CNTNAP2: variants seen among roughly 807,000 people sequenced by gnomAD.
CNTNAP2 encodes contactin associated protein 2.
CNTNAP2 carries 98 observed loss-of-function variants against 155.2 expected under a neutral mutation model. That is an observed-to-expected ratio of 0.63 (90% CI 0.54 to 0.75). The LOEUF (loss-of-function observed/expected upper bound fraction) is 0.75. CNTNAP2 is among the 30% of genes least tolerant of loss of function. The pLI is 0.00. For missense variants in CNTNAP2, 1,727 were observed against 1,688.1 expected, an observed-to-expected ratio of 1.02 and a Z score of -0.40; for synonymous variants, 651 against 631.2, an observed-to-expected ratio of 1.03 and a Z score of -0.47.
intron 8 of CNTNAP2, among the ~76,000 whole-genome samples, chr7:147,295,288 C>T (rs374281086): frequency 3.5e-4 from 53 of 151,528 alleles, no homozygotes; most frequent in African/African-American, 1.2e-3. Context: ...TGTGTGTGCA[C>T]GTGTTGTGTG....
At chr7:147,298,881 G>A (rs1218871761) in intron 8 of CNTNAP2, among the ~76,000 whole-genome samples, 1 of 152,118 alleles carries the variant, frequency 6.6e-6, no homozygotes, top group African/African-American at 2.4e-5. Flanking sequence ...TAGCTCACAG[G>A]TTATAGAAAA....
rs117046256 is a variant in CNTNAP2, at chr7:147,976,720, T to C, written c.2256-1142T>C. The stretch of plus-strand genomic sequence containing the variant: ...GTACAAGTAACTGCTCCACACTGCA[T>C]AGCATTTTCAAGACAGGCCTCCAAG... On this transcript the variant is annotated intron_variant, in intron 14 of 23. Transcript: ENST00000361727. Among the ~76,000 whole-genome samples the C allele has an allele frequency of 1.4e-3, 217 of 152,246 alleles. 1 individual carries two copies. Among genetic ancestry groups the C allele is most frequent in the Non-Finnish European group, 2.4e-3 (166 of 68,012 alleles).
intron 15 of CNTNAP2, among the ~76,000 whole-genome samples, chr7:148,056,219 A>C (rs978074889): frequency 3.3e-5 from 5 of 151,960 alleles, no homozygotes; most frequent in African/African-American, 1.2e-4. Flanking sequence ...CTGCCCTTCC[A>C]TTTGCTGTGG....
chr7:147,263,718 C>T (rs941908497), intron 8 of CNTNAP2, among the ~76,000 whole-genome samples: 4 of 152,116 alleles, frequency 2.6e-5, no homozygotes, highest in Non-Finnish European at 5.9e-5. Context: ...GTCACGTGGT[C>T]CTATAGTATA....
intron 9 of CNTNAP2, among the ~76,000 whole-genome samples, chr7:147,320,658 C>T (rs972065673): frequency 6.6e-6 from 1 of 152,130 alleles, no homozygotes; most frequent in African/African-American, 2.4e-5. Flanking sequence ...AAATACACTC[C>T]TCTTATGAAA....
chr7:148,061,936 G>GAT (rs1441100855), intron 15 of CNTNAP2, among the ~76,000 whole-genome samples: 4 of 142,286 alleles, frequency 2.8e-5, no homozygotes, highest in African/African-American at 1.1e-4. Flanking sequence ...TAGATAGATA[G>GAT]ATAGATAGAT....
intron 9 of CNTNAP2, among the ~76,000 whole-genome samples, chr7:147,361,257 A>G (rs1796143680): frequency 6.6e-6 from 1 of 152,196 alleles, no homozygotes; most frequent in Non-Finnish European, 1.5e-5. Context: ...CCTATTCTGA[A>G]AAGTACCTTA....
intron 22 of CNTNAP2, among the ~76,000 whole-genome samples, chr7:148,403,431 T>C (rs944441241): frequency 4.6e-5 from 7 of 152,128 alleles, no homozygotes; most frequent in Non-Finnish European, 8.8e-5. Flanking sequence ...AAGAGAAGTA[T>C]GTTGAATAGA....
At chr7:146,771,530 C>A (rs1279060613) in intron 1 of CNTNAP2, among the ~76,000 whole-genome samples, 1 of 152,116 alleles carries the variant, frequency 6.6e-6, no homozygotes, top group African/African-American at 2.4e-5. Flanking sequence ...TAGATGATAG[C>A]TTTGTGAATT....
At chr7:147,916,471 T>C (rs1454138356) in intron 14 of CNTNAP2, among the ~76,000 whole-genome samples, 1 of 152,160 alleles carries the variant, frequency 6.6e-6, no homozygotes, top group African/African-American at 2.4e-5. Flanking sequence ...GTTCAGAGTG[T>C]GCTGTGGGTA....
chr7:146,966,127 G>A (rs1339951740), intron 3 of CNTNAP2, among the ~76,000 whole-genome samples: 1 of 152,206 alleles, frequency 6.6e-6, no homozygotes, highest in African/African-American at 2.4e-5. Flanking sequence ...AATTATTTGG[G>A]ATTGTCATTG....
intron 1 of CNTNAP2, among the ~76,000 whole-genome samples, chr7:146,157,817 A>G (rs1798151929): frequency 6.6e-6 from 1 of 152,222 alleles, no homozygotes; most frequent in African/African-American, 2.4e-5. Context: ...GGCAGGGCAT[A>G]GTTGAACAAA....
Position 148,355,166 on chromosome 7 carries a change from CTTTTTTTTT to C in CNTNAP2, c.3476-28458_3476-28450del, listed in dbSNP as rs1167992306. Among the ~76,000 whole-genome samples the C allele has an allele frequency of 6.8e-4, 28 of 41,026 alleles. No individual in the cohort carries two copies. In the East Asian group the frequency reaches 0.02, roughly 30 times the overall value. The allele number at this position is 41,026 out of a possible 152,430, so 26.9% of individuals were successfully genotyped here. On this transcript the variant is annotated intron_variant, in intron 21 of 23. Transcript: ENST00000361727. ...CACTTCATGCATCAGCCGCCAGCTG[CTTTTTTTTT>C]TTTTTTTTTTTTTTTTTTTTTTTTG...
intron 15 of CNTNAP2, among the ~76,000 whole-genome samples, chr7:148,062,026 AGAGTGTGTGTGTGTGT>A (rs1803165539): frequency 7.6e-6 from 1 of 131,962 alleles, no homozygotes; most frequent in African/African-American, 2.9e-5. Context: ...AGAGAGAGAG[AGAGTGTGTGTGTGTGT>A]GTGTGTGTGT....
At chr7:148,411,418 A>G (rs1278255280) in intron 23 of CNTNAP2, among the ~76,000 whole-genome samples, 1 of 152,048 alleles carries the variant, frequency 6.6e-6, no homozygotes, top group East Asian at 1.9e-4. Flanking sequence ...GGCACGCATC[A>G]CCATGCCTGG....
At chr7:147,806,353 G>A (rs909477490) in intron 13 of CNTNAP2, among the ~76,000 whole-genome samples, 4 of 152,210 alleles carry the variant, frequency 2.6e-5, no homozygotes, top group African/African-American at 9.6e-5. Flanking sequence ...AGATGGTAGT[G>A]AGGATGCAGA....
At chr7:147,899,820 G>C (rs370147535) in intron 13 of CNTNAP2, among the ~76,000 whole-genome samples, 79 of 151,988 alleles carry the variant, frequency 5.2e-4, no homozygotes, top group African/African-American at 1.8e-3. Context: ...GGGAGGCAGC[G>C]GTTACAGTGA....
chr7:148,173,554 G>A (rs889897561), intron 18 of CNTNAP2, among the ~76,000 whole-genome samples: 1 of 152,158 alleles, frequency 6.6e-6, no homozygotes, highest in Non-Finnish European at 1.5e-5. Context: ...GCTATAATAT[G>A]AGCATACAAA....
intron 15 of CNTNAP2, among the ~76,000 whole-genome samples, chr7:147,996,923 G>T (rs1801812760): frequency 6.6e-6 from 1 of 152,116 alleles, no homozygotes; most frequent in Non-Finnish European, 1.5e-5. Context: ...ACAATATCAG[G>T]AGGTGGGGCT....
Sources: allele counts gnomAD v4.1 joint callset (sites outside exome capture counted in the v4.1 genomes callset), GRCh38; gene constraint gnomAD v4.1.1; transcripts MANE v1.5; gene names NCBI Gene and HGNC (gene_info 2026-07-23, HGNC 2026-07-21).